Variants in ADGB observed in about 807,000 individuals in gnomAD.
ADGB encodes the protein androglobin.
Under a neutral mutation model 210.5 loss-of-function variants are expected in ADGB, and 172 were observed. The observed-to-expected ratio is 0.82, with a 90% CI of 0.72 to 0.93. The LOEUF (loss-of-function observed/expected upper bound fraction) is 0.93, where lower values mean the gene tolerates loss of function less well. Ranked by LOEUF, ADGB falls within the 40% of genes least tolerant of loss-of-function variation. ADGB has a pLI of 0.00. For synonymous variants in ADGB, 658 were observed against 662.7 expected, an observed-to-expected ratio of 0.99 and a Z score of 0.11; for missense variants, 2,025 against 1,964.8, an observed-to-expected ratio of 1.03 and a Z score of -0.58.
intron 7 of ADGB, among the ~76,000 whole-genome samples, chr6:146,669,808 A>G (rs1022493087): frequency 1.3e-5 from 2 of 152,074 alleles, no homozygotes; most frequent in Non-Finnish European, 2.9e-5. Flanking sequence ...GTATTTATCT[A>G]CAACTGCCTA....
At chr6:146,740,905 T>C (rs1217164098) in intron 24 of ADGB, among the ~76,000 whole-genome samples, 1 of 152,152 alleles carries the variant, frequency 6.6e-6, no homozygotes, top group Non-Finnish European at 1.5e-5. Context: ...TTGGTAAAAG[T>C]CACAAATTAC....
chr6:146,718,612 T>C (rs540936735), intron 16 of ADGB, among the ~76,000 whole-genome samples: 1 of 152,328 alleles, frequency 6.6e-6, no homozygotes, highest in African/African-American at 2.4e-5. Flanking sequence ...TAAGAAAAAC[T>C]ATGACACATA....
At chr6:146,734,196 G>A (rs571990410) in intron 22 of ADGB, among the ~76,000 whole-genome samples, 166 bp downstream of exon 22, 2 of 152,332 alleles carry the variant, frequency 1.3e-5, no homozygotes, top group East Asian at 3.9e-4. Context: ...TGCACCAAGT[G>A]TCTTGTTCCC....
chr6:146,747,668 G>T (rs543698807), intron 26 of ADGB, among the ~76,000 whole-genome samples: 2 of 151,952 alleles, frequency 1.3e-5, no homozygotes, highest in South Asian at 4.2e-4. Flanking sequence ...GGAGCAAGGG[G>T]ACTCTTTAAA....
chr6:146,777,314 G>C (rs909248320), intron 29 of ADGB, among the ~76,000 whole-genome samples: 2 of 151,790 alleles, frequency 1.3e-5, no homozygotes, highest in African/African-American at 4.8e-5. Flanking sequence ...AGACTTAAAA[G>C]AGAAGGAAAC....
intron 5 of ADGB, among the ~76,000 whole-genome samples, chr6:146,657,873 T>TA (rs144677766): frequency 2.4e-3 from 361 of 152,238 alleles, no homozygotes; most frequent in Middle Eastern, 6.8e-3. Flanking sequence ...TAGTAGGAAG[T>TA]ACAAACAGAG....
intron 1 of ADGB, among the ~76,000 whole-genome samples, chr6:146,634,696 G>T (rs1341715342): frequency 6.6e-6 from 1 of 151,908 alleles, no homozygotes; most frequent in East Asian, 1.9e-4. Context: ...GTATAGGAAG[G>T]CTCCTCATTA....
intron 9 of ADGB, among the ~76,000 whole-genome samples, chr6:146,682,683 T>C (rs1776173713): frequency 6.6e-6 from 1 of 152,132 alleles, no homozygotes; most frequent in South Asian, 2.1e-4. Flanking sequence ...TAAAAGCAGT[T>C]TTATTGATAT....
chr6:146,605,706 C>T (rs1780621714), intron 1 of ADGB, among the ~76,000 whole-genome samples: 1 of 152,090 alleles, frequency 6.6e-6, no homozygotes, highest in Non-Finnish European at 1.5e-5. Context: ...CAGATTTGGA[C>T]ATTTTATGAA....
At chr6:146,712,615 A>G (rs1181156754) in intron 13 of ADGB, among the ~76,000 whole-genome samples, 1 of 151,168 alleles carries the variant, frequency 6.6e-6, no homozygotes, top group East Asian at 1.9e-4. Context: ...TTCCTCAATA[A>G]TTTTCTCTTC....
chr6:146,704,835 T>C (rs1171800423), intron 13 of ADGB, among the ~76,000 whole-genome samples: 2 of 152,112 alleles, frequency 1.3e-5, no homozygotes, highest in African/African-American at 2.4e-5. Context: ...GTAGATTACA[T>C]TGAATCTGTA....
At chr6:146,691,385 C>A in intron 11 of ADGB, 95 bp downstream of exon 11, 3 of 742,648 alleles carry the variant, frequency 4.0e-6, no homozygotes, top group Non-Finnish European at 5.4e-6. Flanking sequence ...GTAAATCACC[C>A]AACATTGCTT....
intron 33 of ADGB, among the ~76,000 whole-genome samples, chr6:146,798,402 CTG>C (rs796446634): frequency 6.8e-4 from 103 of 152,230 alleles, no homozygotes; most frequent in African/African-American, 2.3e-3. Flanking sequence ...TCACAACAAA[CTG>C]GTAATACAAG....
intron 1 of ADGB, among the ~76,000 whole-genome samples, chr6:146,634,422 G>T (rs1420633961): frequency 6.6e-6 from 1 of 152,052 alleles, no homozygotes; most frequent in Non-Finnish European, 1.5e-5. Context: ...GCTGTATAGA[G>T]ATTTTAGTCT....
intron 8 of ADGB, among the ~76,000 whole-genome samples, chr6:146,674,195 A>G (rs972920657): frequency 1.3e-5 from 2 of 152,170 alleles, no homozygotes; most frequent in African/African-American, 4.8e-5. Context: ...TAGAAGATAC[A>G]TTGGAGGGGA....
chr6:146,743,629 T>G (rs951259248), intron 25 of ADGB, among the ~76,000 whole-genome samples: 1 of 152,182 alleles, frequency 6.6e-6, no homozygotes, highest in African/African-American at 2.4e-5. Flanking sequence ...GAAAAAAAGT[T>G]AAGGCCGGGC....
At chr6:146,781,026 G>A (rs2114642668) in intron 29 of ADGB, among the ~76,000 whole-genome samples, 1 of 152,024 alleles carries the variant, frequency 6.6e-6, no homozygotes, top group Non-Finnish European at 1.5e-5. Context: ...GGAAGTAGAA[G>A]CAATAAGAAA....
intron 16 of ADGB, 64 bp downstream of exon 16, chr6:146,717,663 C>T: frequency 1.3e-6 from 1 of 782,932 alleles, no homozygotes; most frequent in Non-Finnish European, 1.9e-6. Flanking sequence ...CCGTAGAAAA[C>T]ATCTTCAAAT....
rs1009761214 is a variant in ADGB at position 146,598,989 on chromosome 6, C to G, written c.-52C>G. 1.3e-6 allele frequency: 2 copies of G among 1,495,986 alleles called. No homozygotes were observed. Among genetic ancestry groups the G allele is most frequent in the African/African-American group, 2.8e-5 (2 of 71,740 alleles). 92.7% of individuals were successfully genotyped at this position (1,495,986 alleles called of 1,614,324 possible). On this transcript the variant is annotated 5_prime_UTR_variant, in exon 1 of 36. Coordinates refer to ENST00000397944, the MANE Select transcript of ADGB (RefSeq NM_024694.4). ...GGCAACGCAGACGCGGAGCCGAGCG[C>G]GCCCGCAGGCTCTTTGCTCAGAGCT...
Sources: gnomAD v4.1 joint callset for allele counts (sites outside exome capture counted in the v4.1 genomes callset) on GRCh38, gnomAD v4.1.1 for gene constraint, MANE v1.5 for transcripts, NCBI Gene and HGNC (gene_info 2026-07-23, HGNC 2026-07-21) for gene names.